OR5T2: variants seen among roughly 807,000 people sequenced by gnomAD.
The protein encoded by OR5T2 is olfactory receptor 5T2.
OR5T2 carries 12 observed loss-of-function variants against 13.7 expected under a neutral mutation model. The observed-to-expected ratio is 0.88, with a 90% CI of 0.56 to 1.42. OR5T2 has a LOEUF of 1.42. Among genes scored for constraint, OR5T2 ranks in the 40% most tolerant of loss-of-function variants. OR5T2 has a pLI of 0.00. For synonymous variants in OR5T2, 146 were observed against 139.5 expected (o/e 1.05, Z -0.33); for missense variants, 475 against 372.0 (o/e 1.28, Z -2.28).
intron 1 of OR5T2, among the ~76,000 whole-genome samples, chr11:56,233,616 T>C (rs952658768): frequency 6.6e-5 from 10 of 152,064 alleles, no homozygotes; most frequent in African/African-American, 1.4e-4. Context: ...TAAAATATAA[T>C]ATGTAAAATA....
In OR5T2 at chr11:56,232,067, G is replaced by A. The variant is rs1853288395; in HGVS notation, c.*39C>T. ...CATAACACCACAATGACACATTCTTGGTATTGAGGTGCAGAGTATCACCCT... is the reference window on the plus strand; with the variant it reads ...CATAACACCACAATGACACATTCTTAGTATTGAGGTGCAGAGTATCACCCT... On this transcript the variant is annotated 3_prime_UTR_variant, in exon 2 of 2. Coordinates refer to ENST00000641661, the MANE Select transcript of OR5T2 (RefSeq NM_001004746.4). 2 of 1,454,364 alleles carry A rather than the reference G, an allele frequency of 1.4e-6. No individual in the cohort carries two copies. Among genetic ancestry groups the A allele is most frequent in the East Asian group, 2.4e-5 (1 of 42,140 alleles). The allele number at this position is 1,454,364 out of a possible 1,614,324, so 90.1% of individuals were successfully genotyped here.
chr11:56,232,281 C>A lies in OR5T2; in HGVS notation c.782G>T (p.Ser261Ile). ...GTILFMYVRP[S>I]SSYASDHDMI... ...GTCATGGTCCGAAGCATAGCTGGAA[C>A]TTGGTCTCACATACATGAAGAGGAT... is the stretch of plus-strand genomic sequence containing the variant. The change falls in exon 2 of 2, where the codon AGT (serine) becomes ATT (isoleucine). Residue 261 changes from serine to isoleucine, a missense_variant. Coordinates refer to ENST00000641661, the MANE Select transcript of OR5T2 (RefSeq NM_001004746.4). The A allele has an allele frequency of 6.2e-7, 1 of 1,612,298 alleles. No individual in the cohort carries two copies.
chr11:56,233,931 A>C (rs1246066007), intron 1 of OR5T2, among the ~76,000 whole-genome samples: 3 of 151,930 alleles, frequency 2.0e-5, no homozygotes. Context: ...TTGGGTAAAA[A>C]TTAAGTTAAT....
At position 56,232,789 on chromosome 11, in the gene OR5T2, A is replaced by G. The variant is rs752901353; in HGVS notation, c.274T>C (p.Phe92Leu). ...DFTTKNKVIS[F>L]LGCVAQVFLA... Reference sequence around the variant, plus strand: ...AACACCTGTGCTACACATCCAAGGAATGAAATGACTTTATTCTTTGTCGTA... The same window carrying G: ...AACACCTGTGCTACACATCCAAGGAGTGAAATGACTTTATTCTTTGTCGTA... Residue 92 changes from phenylalanine to leucine, a missense_variant, in exon 2 of 2, where the codon TTC becomes CTC. Phe to Leu is a conservative substitution (Grantham distance 22). Coordinates refer to ENST00000641661, the MANE Select transcript of OR5T2 (RefSeq NM_001004746.4). 15 of 1,613,954 alleles carry G rather than the reference A, an allele frequency of 9.3e-6. No homozygotes were observed. The Admixed American group carries it at 2.5e-4, about 27-fold the overall frequency.
chr11:56,231,924 G>A lies in OR5T2; in HGVS notation c.*182C>T. The A allele has an allele frequency of 2.1e-6, 1 of 484,804 alleles. No homozygotes were observed. The highest frequency in any genetic ancestry group is 3.5e-6 in the Non-Finnish European group (1 of 282,358). The allele number at this position is 484,804 out of a possible 1,614,324, so 30.0% of individuals were successfully genotyped here. A position where few individuals can be genotyped will look rare whatever the true frequency, so the allele number is the denominator to read the frequency against. On this transcript the variant is annotated 3_prime_UTR_variant, in exon 2 of 2. Coordinates refer to ENST00000641661, the MANE Select transcript of OR5T2 (RefSeq NM_001004746.4). ...CCAGCCTTGGTGCAAGTGAAAGGAGGGCAGGAGAAGGTAAAAGGCCTGCCC... is the reference window on the plus strand; with the variant it reads ...CCAGCCTTGGTGCAAGTGAAAGGAGAGCAGGAGAAGGTAAAAGGCCTGCCC...
rs773621732 is a variant in OR5T2, at chr11:56,232,589, T to C, written c.474A>G (p.Thr158=). Residue 158 remains threonine, a synonymous_variant, in exon 2 of 2, where the codon ACA becomes ACG. Coordinates refer to ENST00000641661, the MANE Select transcript of OR5T2 (RefSeq NM_001004746.4). Reference sequence around the variant, plus strand: ...AGAAGGATAGGCTAAATGTAGCCACTGTATGTATAGTAGCATGTAAAATGC... The same window carrying C: ...AGAAGGATAGGCTAAATGTAGCCACCGTATGTATAGTAGCATGTAAAATGC... The part of the protein sequence containing the change: ...VAGILHATIH[T]VATFSLSFCG... 1.1e-4 allele frequency: 171 copies of C among 1,613,988 alleles called. No homozygotes were observed. Among genetic ancestry groups the C allele is most frequent in the Non-Finnish European group, 1.4e-4 (166 of 1,179,990 alleles).
Position 56,231,896 on chromosome 11 carries a change from A to G in OR5T2, c.*210T>C. 2.3e-6 allele frequency: 1 copy of G among 440,902 alleles called. No individual in the cohort carries two copies. Among genetic ancestry groups the G allele is most frequent in the Non-Finnish European group, 3.9e-6 (1 of 253,450 alleles). 27.3% of individuals were successfully genotyped at this position (440,902 alleles called of 1,614,324 possible). A position where few individuals can be genotyped will look rare whatever the true frequency, so the allele number is the denominator to read the frequency against. On this transcript the variant is annotated 3_prime_UTR_variant, in exon 2 of 2. Transcript: ENST00000641661. ...TCACAATCAGTAAGGCAGACATTGG[A>G]ACCCAGCCTTGGTGCAAGTGAAAGG...
chr11:56,233,627 AT>A (rs1295851734), intron 1 of OR5T2, among the ~76,000 whole-genome samples: 3 of 152,086 alleles, frequency 2.0e-5, no homozygotes. Flanking sequence ...ATGTAAAATA[AT>A]TTTGATTATA....
In OR5T2 at chr11:56,232,307, T is replaced by A. The variant is rs1853295439; in HGVS notation, c.756A>T (p.Thr252=). The change falls in exon 2 of 2, where the codon ACA becomes ACT. Residue 252 remains threonine (T), a synonymous_variant. Transcript: ENST00000641661. ...TTGGTCTCACATACATGAAGAGGAT[T>A]GTCCCATAATAAATTGACACTCCAG... ...HLTGVSIYYG[T]ILFMYVRPSS... 2 of 1,609,996 alleles carry A rather than the reference T, an allele frequency of 1.2e-6. No homozygotes were observed. Among genetic ancestry groups the A allele is most frequent in the Middle Eastern group, 3.3e-4 (2 of 6,012 alleles).
In OR5T2 at chr11:56,232,563, CAGA is replaced by C. The variant is rs774241449; in HGVS notation, c.497_499del (p.Phe166del). ...GACACGCCTAATTTCATTGGCTCCACAGAAGGATAGGCTAAATGTAGCCACTGT... is the reference window on the plus strand; with the variant it reads ...GACACGCCTAATTTCATTGGCTCCACAGGATAGGCTAAATGTAGCCACTGT... On this transcript the variant is annotated inframe_deletion, in exon 2 of 2. Coordinates refer to ENST00000641661, the MANE Select transcript of OR5T2 (RefSeq NM_001004746.4). 46 of 1,613,940 alleles carry C rather than the reference CAGA, an allele frequency of 2.9e-5. No individual in the cohort carries two copies. In the African/African-American group the frequency reaches 3.6e-4, roughly 13 times the overall value.
Position 56,231,942 on chromosome 11 carries a change from G to A in OR5T2, c.*164C>T. 1 of 528,590 alleles carries A rather than the reference G, an allele frequency of 1.9e-6. No individual in the cohort carries two copies. The highest frequency in any genetic ancestry group is 3.2e-6 in the Non-Finnish European group (1 of 317,084). 32.7% of individuals were successfully genotyped at this position (528,590 alleles called of 1,614,324 possible). The stretch of plus-strand genomic sequence containing the variant: ...AAAGGAGGGCAGGAGAAGGTAAAAG[G>A]CCTGCCCCTGAGGTATAACACCCAA... On this transcript the variant is annotated 3_prime_UTR_variant, in exon 2 of 2. Transcript: ENST00000641661.
In OR5T2 at chr11:56,231,962, A is replaced by T; in HGVS notation, c.*144T>A. The T allele has an allele frequency of 1.5e-6, 1 of 666,284 alleles. No homozygotes were observed. The highest frequency in any genetic ancestry group is 1.9e-5 in the African/African-American group (1 of 53,748). The allele number at this position is 666,284 out of a possible 1,614,324, so 41.3% of individuals were successfully genotyped here. On this transcript the variant is annotated 3_prime_UTR_variant, in exon 2 of 2. Transcript: ENST00000641661. ...AAAAGGCCTGCCCCTGAGGTATAACACCCAACATTATAACAAAAGACTGTA... is the reference window on the plus strand; with the variant it reads ...AAAAGGCCTGCCCCTGAGGTATAACTCCCAACATTATAACAAAAGACTGTA...
rs1385130126 is a variant in OR5T2 at position 56,232,703 on chromosome 11, G to C, written c.360C>G (p.Arg120=). 1 of 1,614,040 alleles carries C rather than the reference G, an allele frequency of 6.2e-7. No homozygotes were observed. The highest frequency in any genetic ancestry group is 8.5e-7 in the Non-Finnish European group (1 of 1,180,022). The part of the protein sequence containing the change: ...CFLLAAMAYD[R]YVAIYNPLLY... ...GGAGAGGGTTGTAGATGGCTACATA[G>C]CGATCATAAGCCATTGCAGCCAAGA... The change falls in exon 2 of 2, where the codon CGC becomes CGG. Residue 120 remains arginine, a synonymous_variant. Coordinates refer to ENST00000641661, the MANE Select transcript of OR5T2 (RefSeq NM_001004746.4).
rs1212539985 is a variant in OR5T2, at chr11:56,232,263, T to G, written c.800A>C (p.Asp267Ala). The part of the protein sequence containing the change: ...YVRPSSSYAS[D>A]HDMIVSIFYT... ...AAATATTGACACTATCATGTCATGGTCCGAAGCATAGCTGGAACTTGGTCT... is the reference window on the plus strand; with the variant it reads ...AAATATTGACACTATCATGTCATGGGCCGAAGCATAGCTGGAACTTGGTCT... Residue 267 changes from aspartate to alanine, a missense_variant, in exon 2 of 2, where the codon GAC becomes GCC. Asp to Ala is a moderately radical substitution (Grantham distance 126). Transcript: ENST00000641661. 6.2e-7 allele frequency: 1 copy of G among 1,613,120 alleles called. No homozygotes were observed. Among genetic ancestry groups the G allele is most frequent in the Non-Finnish European group, 8.5e-7 (1 of 1,179,564 alleles).
rs1853336362 is a variant in OR5T2, at chr11:56,234,187, C to T, written c.-213G>A. On this transcript the variant is annotated 5_prime_UTR_variant, in exon 1 of 2. Coordinates refer to ENST00000641661, the MANE Select transcript of OR5T2 (RefSeq NM_001004746.4). ...TTTCTTGTACATTACCTTATTTCACCTTTATAGCAACTTTCATAGCTAACA... is the reference window on the plus strand; with the variant it reads ...TTTCTTGTACATTACCTTATTTCACTTTTATAGCAACTTTCATAGCTAACA... 6.6e-6 allele frequency: 1 copy of T among 151,978 alleles called. No homozygotes were observed. Among genetic ancestry groups the T allele is most frequent in the Non-Finnish European group, 1.5e-5 (1 of 67,934 alleles). 9.4% of individuals were successfully genotyped at this position (151,978 alleles called of 1,614,324 possible). A position where few individuals can be genotyped will look rare whatever the true frequency, so the allele number is the denominator to read the frequency against.
chr11:56,233,251 G>C lies in OR5T2; in HGVS notation c.-189C>G. 7.6e-7 allele frequency: 1 copy of C among 1,309,396 alleles called. No homozygotes were observed. The highest frequency in any genetic ancestry group is 1.0e-6 in the Non-Finnish European group (1 of 983,998). 81.1% of individuals were successfully genotyped at this position (1,309,396 alleles called of 1,614,324 possible). A position where few individuals can be genotyped will look rare whatever the true frequency, so the allele number is the denominator to read the frequency against. ...ACAGTGACAAACTGGTCAGCCATGT[G>C]TTCATGCCACTCACTGCAGAATCAA... is the stretch of plus-strand genomic sequence containing the variant. On this transcript the variant is annotated 5_prime_UTR_variant, in exon 2 of 2. Transcript: ENST00000641661.
Position 56,232,100 on chromosome 11 carries a change from T to A in OR5T2, c.*6A>T. On this transcript the variant is annotated 3_prime_UTR_variant, in exon 2 of 2. Transcript: ENST00000641661. Reference sequence around the variant, plus strand: ...GGTGCAGAGTATCACCCTCACCTTTTATAATTTATTTTTTAGTATGAAAAT... The same window carrying A: ...GGTGCAGAGTATCACCCTCACCTTTAATAATTTATTTTTTAGTATGAAAAT... 6.5e-7 allele frequency: 1 copy of A among 1,526,878 alleles called. No individual in the cohort carries two copies. The highest frequency in any genetic ancestry group is 8.8e-7 in the Non-Finnish European group (1 of 1,137,026). The allele number at this position is 1,526,878 out of a possible 1,614,324, so 94.6% of individuals were successfully genotyped here. A position where few individuals can be genotyped will look rare whatever the true frequency, so the allele number is the denominator to read the frequency against.
At position 56,232,839 on chromosome 11, in the gene OR5T2, A is replaced by G. The variant is rs771708022; in HGVS notation, c.224T>C (p.Ile75Thr). 3.5e-5 allele frequency: 56 copies of G among 1,613,346 alleles called. No individual in the cohort carries two copies. Among genetic ancestry groups the G allele is most frequent in the Non-Finnish European group, 4.7e-5 (56 of 1,179,574 alleles). The change falls in exon 2 of 2, where the codon ATT becomes ACT. Residue 75 changes from isoleucine (I) to threonine (T), a missense_variant. Physicochemically the swap from Ile to Thr is moderately conservative, Grantham distance 89. Transcript: ENST00000641661. Reference sequence around the variant, plus strand: ...AAAATCTACTAACATATTTGGGGTAATAACTGAGGAATAGCAGGCATCCAC... The same window carrying G: ...AAAATCTACTAACATATTTGGGGTAGTAACTGAGGAATAGCAGGCATCCAC... ...SSVDACYSSVITPNMLVDFTT... is the reference protein window; with the variant it reads ...SSVDACYSSVTTPNMLVDFTT...
Position 56,232,372 on chromosome 11 carries a change from C to CTTCAGCAGAA in OR5T2, c.681_690dup (p.Gly231PhefsTer3). Reference sequence around the variant, plus strand: ...CATGTGGAGAAGACTTTTCTCCTCCCTTCAGCAGAATACATCTTCAGAATG... The same window carrying CTTCAGCAGAA: ...CATGTGGAGAAGACTTTTCTCCTCCCTTCAGCAGAATTCAGCAGAATACATCTTCAGAATG... On this transcript the variant is annotated stop_gained and frameshift_variant, in exon 2 of 2. Coordinates refer to ENST00000641661, the MANE Select transcript of OR5T2 (RefSeq NM_001004746.4). LOFTEE classifies it high-confidence loss of function. 4 of 1,609,760 alleles carry CTTCAGCAGAA rather than the reference C, an allele frequency of 2.5e-6. No homozygotes were observed. The highest frequency in any genetic ancestry group is 3.4e-6 in the Non-Finnish European group (4 of 1,177,742).
Sources: allele counts gnomAD v4.1 joint callset (sites outside exome capture counted in the v4.1 genomes callset), GRCh38; gene constraint gnomAD v4.1.1; transcripts MANE v1.5; gene names NCBI Gene and HGNC (gene_info 2026-07-23, HGNC 2026-07-21).